Variants in NIBAN1 observed in about 807,000 individuals in gnomAD.
NIBAN1 encodes the protein niban apoptosis regulator 1, also known as protein Niban 1.
NIBAN1 carries 81 observed loss-of-function variants against 75.1 expected under a neutral mutation model. The ratio of observed to expected loss-of-function variants is 1.08; its 90% CI spans 0.90 to 1.30. The LOEUF (loss-of-function observed/expected upper bound fraction) is 1.30, where lower values mean the gene tolerates loss of function less well. Among genes scored for constraint, NIBAN1 ranks in the 50% most tolerant of loss-of-function variants. The probability of loss-of-function intolerance (pLI) is 0.00; values close to 1 mark genes in which losing one functional copy is unlikely to be tolerated. For missense variants in NIBAN1, 1,133 were observed against 1,128.1 expected, an observed-to-expected ratio of 1.00 and a Z score of -0.06; for synonymous variants, 436 against 424.8, an observed-to-expected ratio of 1.03 and a Z score of -0.32.
chr1:184,909,173 C>T (rs1657176495), intron 1 of NIBAN1, among the ~76,000 whole-genome samples: 2 of 152,264 alleles, frequency 1.3e-5, no homozygotes, highest in East Asian at 1.9e-4. Flanking sequence ...ATGAACACAA[C>T]ATGCACATTA....
At chr1:184,967,124 A>G (rs1347612072) in intron 1 of NIBAN1, among the ~76,000 whole-genome samples, 1 of 152,168 alleles carries the variant, frequency 6.6e-6, no homozygotes, top group African/African-American at 2.4e-5. Flanking sequence ...TCTGTTTTTA[A>G]AATGAATTTT....
rs373711868 is a variant in NIBAN1 at position 184,884,755 on chromosome 1, T to C, written c.479A>G (p.Lys160Arg). ...CTGCCACAGGTACACTGGGAATTCC[T>C]TGGGCAGGACCACAAAGGGCTGAGT... The part of the protein sequence containing the change: ...ENTQPFVVLP[K>R]EFPVYLWQPF... Residue 160 changes from lysine to arginine, a missense_variant, in exon 5 of 14, where the codon AAG becomes AGG. By Grantham distance (26) the Lys-to-Arg change is conservative (BLOSUM62 2). Coordinates refer to ENST00000367511, the MANE Select transcript of NIBAN1 (RefSeq NM_052966.4). 4.3e-6 allele frequency: 7 copies of C among 1,614,194 alleles called. No homozygotes were observed. Among genetic ancestry groups the C allele is most frequent in the African/African-American group, 4.0e-5 (3 of 75,056 alleles).
intron 1 of NIBAN1, among the ~76,000 whole-genome samples, chr1:184,942,469 G>C (rs909708040): frequency 2.0e-5 from 3 of 152,256 alleles, no homozygotes; most frequent in African/African-American, 7.2e-5. Flanking sequence ...CGAAGCTGGC[G>C]GATCACGAGG....
At position 184,894,103 on chromosome 1, in the gene NIBAN1, T is replaced by C; in HGVS notation, c.290A>G (p.Tyr97Cys). Residue 97 changes from tyrosine to cysteine, a missense_variant, in exon 3 of 14, where the codon TAT (tyrosine) becomes TGT (cysteine). Transcript: ENST00000367511. ...TTTATTCTCATAGCTCTCCACAGCA[T>C]AATCATTTTTAACTACAACGTATCT... The part of the protein sequence containing the change: ...KERYVVVKND[Y>C]AVESYENKEA... 3.1e-6 allele frequency: 5 copies of C among 1,612,082 alleles called. No individual in the cohort carries two copies. The highest frequency in any genetic ancestry group is 2.2e-5 in the South Asian group (2 of 90,690).
At chr1:184,829,657 AG>A (rs1461961669) in intron 6 of NIBAN1, among the ~76,000 whole-genome samples, 2 of 151,712 alleles carry the variant, frequency 1.3e-5, no homozygotes, top group African/African-American at 4.8e-5. Context: ...TAGTAGAGAC[AG>A]GGTTTCACTG....
chr1:184,863,988 T>C (rs1002139437), intron 5 of NIBAN1, among the ~76,000 whole-genome samples: 2 of 152,230 alleles, frequency 1.3e-5, no homozygotes, highest in African/African-American at 4.8e-5. Flanking sequence ...AATAATTGGT[T>C]GCTAGTATTG....
rs969363558 is a variant in NIBAN1, at chr1:184,931,455, T to C, written c.56-32146A>G. On this transcript the variant is annotated intron_variant, in intron 1 of 13. Transcript: ENST00000367511. ...CTTTAGCTAAGATTTACTTATAGTG[T>C]TAAATTTCATTTCCATTTTATATGT... Among the ~76,000 whole-genome samples the C allele has an allele frequency of 6.7e-4, 102 of 152,234 alleles. 1 individual carries two copies. The highest frequency in any genetic ancestry group is 1.5e-4 in the Non-Finnish European group (10 of 68,034).
intron 1 of NIBAN1, among the ~76,000 whole-genome samples, chr1:184,938,784 CTG>C (rs1658022166): frequency 6.6e-6 from 1 of 152,082 alleles, no homozygotes; most frequent in African/African-American, 2.4e-5. Context: ...ATTTTAAAGA[CTG>C]TATTTATTAT....
intron 1 of NIBAN1, among the ~76,000 whole-genome samples, chr1:184,902,863 C>T (rs1656988177): frequency 6.6e-6 from 1 of 152,184 alleles, no homozygotes; most frequent in South Asian, 2.1e-4. Flanking sequence ...ATGCCCATAT[C>T]ACAGGGTTTC....
chr1:184,919,512 G>A (rs1348885745), intron 1 of NIBAN1, among the ~76,000 whole-genome samples: 1 of 152,144 alleles, frequency 6.6e-6, no homozygotes, highest in Non-Finnish European at 1.5e-5. Context: ...AAATAACCAC[G>A]TTTAAACGGT....
chr1:184,820,399 C>T (rs1354499374), intron 8 of NIBAN1, among the ~76,000 whole-genome samples: 1 of 152,206 alleles, frequency 6.6e-6, no homozygotes, highest in East Asian at 1.9e-4. Flanking sequence ...TCCGCCCCCT[C>T]TCTGCACCTT....
At position 184,930,997 on chromosome 1, in the gene NIBAN1, C is replaced by CTTTTTT. The variant is rs200932673; in HGVS notation, c.56-31694_56-31689dup. Among the ~76,000 whole-genome samples the CTTTTTT allele has an allele frequency of 1.8e-4, 21 of 114,518 alleles. 3 individuals carry two copies. The highest frequency in any genetic ancestry group is 1.5e-4 in the Non-Finnish European group (9 of 60,454). 75.1% of individuals were successfully genotyped at this position (114,518 alleles called of 152,430 possible). A position where few individuals can be genotyped will look rare whatever the true frequency, so the allele number is the denominator to read the frequency against. On this transcript the variant is annotated intron_variant, in intron 1 of 13. Transcript: ENST00000367511. Reference sequence around the variant, plus strand: ...GTTTCTAAGTGCACTTTTTCTTCTTCTTTTTTTTTTTTTTTTTTTTGAGAC... The same window carrying CTTTTTT: ...GTTTCTAAGTGCACTTTTTCTTCTTCTTTTTTTTTTTTTTTTTTTTTTTTTTGAGAC...
chr1:184,844,291 G>C (rs543737704), intron 5 of NIBAN1, among the ~76,000 whole-genome samples: 4 of 152,172 alleles, frequency 2.6e-5, no homozygotes, highest in Non-Finnish European at 2.9e-5. Context: ...CTTTACATGA[G>C]AGAACAAATC....
intron 5 of NIBAN1, among the ~76,000 whole-genome samples, chr1:184,879,924 T>G (rs1488013914): frequency 1.3e-5 from 2 of 152,224 alleles, no homozygotes; most frequent in Non-Finnish European, 2.9e-5. Flanking sequence ...GTCTTTATAT[T>G]GTTGTGGTCT....
chr1:184,949,337 G>C (rs942519196), intron 1 of NIBAN1, among the ~76,000 whole-genome samples: 1 of 152,184 alleles, frequency 6.6e-6, no homozygotes, highest in East Asian at 1.9e-4. Context: ...CAGCCTGGGC[G>C]ACAGAGCGAG....
chr1:184,974,021 C>G (rs1206446900), intron 1 of NIBAN1, among the ~76,000 whole-genome samples: 5 of 152,000 alleles, frequency 3.3e-5, no homozygotes, highest in African/African-American at 1.2e-4. Flanking sequence ...CGGGCGGGGG[C>G]GGCACTGACC....
chr1:184,836,230 A>G (rs556960103), intron 5 of NIBAN1, among the ~76,000 whole-genome samples: 7 of 152,290 alleles, frequency 4.6e-5, no homozygotes, highest in African/African-American at 1.7e-4. Flanking sequence ...AACTGTAATT[A>G]TTACATTGGG....
chr1:184,961,008 C>G (rs1488547832), intron 1 of NIBAN1, among the ~76,000 whole-genome samples: 1 of 145,680 alleles, frequency 6.9e-6, no homozygotes, highest in Non-Finnish European at 1.5e-5. Context: ...AACACCCTTT[C>G]TTCAATTCCT....
chr1:184,958,161 G>A (rs889098593), intron 1 of NIBAN1, among the ~76,000 whole-genome samples: 11 of 152,204 alleles, frequency 7.2e-5, no homozygotes, highest in African/African-American at 2.7e-4. Context: ...GAGGTCAGGA[G>A]TTCAAGACCA....
Sources: gnomAD v4.1 joint callset for allele counts (sites outside exome capture counted in the v4.1 genomes callset) on GRCh38, gnomAD v4.1.1 for gene constraint, MANE v1.5 for transcripts, NCBI Gene and HGNC (gene_info 2026-07-23, HGNC 2026-07-21) for gene names.